Variants in CTNNA1 observed in about 807,000 individuals in gnomAD.
The protein encoded by CTNNA1 is catenin alpha 1.
CTNNA1 carries 37 observed loss-of-function variants against 98.4 expected under a neutral mutation model. The observed-to-expected ratio is 0.38, with a 90% confidence interval of 0.29 to 0.49. The LOEUF (loss-of-function observed/expected upper bound fraction) is 0.49, where lower values mean the gene tolerates loss of function less well. Among genes scored for constraint, CTNNA1 ranks in the 20% least tolerant of loss-of-function variants. The pLI is 0.95. For synonymous variants in CTNNA1, 404 were observed against 413.2 expected, an observed-to-expected ratio of 0.98 and a Z score of 0.27; for missense variants, 761 against 1,147.2, an observed-to-expected ratio of 0.66 and a Z score of 4.86.
intron 5 of CTNNA1, among the ~76,000 whole-genome samples, chr5:138,823,944 G>A (rs1464483986): frequency 5.1e-5 from 5 of 97,426 alleles, no homozygotes; most frequent in Middle Eastern, 0.013. Flanking sequence ...GCGACAGAGC[G>A]AGACTCCGTC....
chr5:138,830,899 G>A (rs1357911857), intron 7 of CTNNA1, among the ~76,000 whole-genome samples: 1 of 152,112 alleles, frequency 6.6e-6, no homozygotes, highest in Non-Finnish European at 1.5e-5. Context: ...AATCCAGGAG[G>A]CTTTCTCTTC....
rs1026342317 is a variant in CTNNA1 at position 138,813,332 on chromosome 5, A to G, written c.588+1030A>G. 5.3e-5 allele frequency among the ~76,000 whole-genome samples: 8 copies of G among 152,310 alleles called. 1 individual carries two copies. In the East Asian group the frequency reaches 1.5e-3, roughly 29 times the overall value. On this transcript the variant is annotated intron_variant, in intron 5 of 17. Coordinates refer to ENST00000302763, the MANE Select transcript of CTNNA1 (RefSeq NM_001903.5). ...CATATGTCTCTCTTTATAAGCAAAC[A>G]ATCTAGAAGCTCCTAGTAGACTTGT... is the stretch of plus-strand genomic sequence containing the variant.
At chr5:138,916,629 G>A (rs1761841511) in intron 10 of CTNNA1, among the ~76,000 whole-genome samples, 1 of 151,788 alleles carries the variant, frequency 6.6e-6, no homozygotes, top group Non-Finnish European at 1.5e-5. Flanking sequence ...CTCAAGCAGT[G>A]TTCCCACTTT....
At chr5:138,885,862 A>G (rs1753916268) in intron 7 of CTNNA1, among the ~76,000 whole-genome samples, 1 of 152,174 alleles carries the variant, frequency 6.6e-6, no homozygotes, top group Non-Finnish European at 1.5e-5. Context: ...GCTGCAGTTC[A>G]AGGAGAGCTG....
chr5:138,776,414 A>T (rs1580936513), intron 1 of CTNNA1, among the ~76,000 whole-genome samples: 1 of 152,260 alleles, frequency 6.6e-6, no homozygotes, highest in East Asian at 1.9e-4. Flanking sequence ...TTAGTACAGA[A>T]CAAAATGAAA....
chr5:138,933,494 C>G (rs1337384966), intron 17 of CTNNA1, among the ~76,000 whole-genome samples: 1 of 152,186 alleles, frequency 6.6e-6, no homozygotes, highest in African/African-American at 2.4e-5. Context: ...GCTTACAGCT[C>G]TGGGATCACT....
chr5:138,776,678 C>T (rs1419107493), intron 1 of CTNNA1, among the ~76,000 whole-genome samples: 2 of 146,632 alleles, frequency 1.4e-5, no homozygotes, highest in African/African-American at 2.6e-5. Flanking sequence ...GGGGGGCTGA[C>T]CCCCCCACCT....
chr5:138,820,256 G>C (rs1759897266), intron 5 of CTNNA1, among the ~76,000 whole-genome samples: 1 of 151,914 alleles, frequency 6.6e-6, no homozygotes. Context: ...ATAGTTTGGT[G>C]GTGACTTAGC....
At chr5:138,931,609 T>G (rs1765350718) in intron 16 of CTNNA1, 1 of 985,408 alleles carries the variant, frequency 1.0e-6, no homozygotes, top group East Asian at 1.1e-4. Flanking sequence ...TGGCCAAATG[T>G]ATCTTGACAC....
intron 7 of CTNNA1, among the ~76,000 whole-genome samples, chr5:138,828,600 A>G (rs921814044): frequency 6.6e-6 from 1 of 152,204 alleles, no homozygotes; most frequent in South Asian, 2.1e-4. Flanking sequence ...AACAACACAA[A>G]TTAGTTGTCA....
chr5:138,873,980 C>T lies in CTNNA1; in HGVS notation c.1063-12232C>T, dbSNP rs926901603. The T allele has an allele frequency of 4.3e-6, 7 of 1,613,872 alleles. No homozygotes were observed. The highest frequency in any genetic ancestry group is 4.0e-5 in the African/African-American group (3 of 74,920). ...TGCAAATCCATTGCGAGCCAAACTT[C>T]GCAAACGATTTGTGCTCAAATCCAG... On this transcript the variant is annotated intron_variant, in intron 7 of 17. Coordinates refer to ENST00000302763, the MANE Select transcript of CTNNA1 (RefSeq NM_001903.5). The surrounding 1 kb of genome is among the most constrained non-coding windows in gnomAD (Gnocchi z 6.1).
intron 10 of CTNNA1, among the ~76,000 whole-genome samples, chr5:138,907,032 C>CT (rs1014964336): frequency 5.3e-5 from 8 of 152,062 alleles, no homozygotes; most frequent in Admixed American, 3.3e-4. Flanking sequence ...CTTCTTTTTT[C>CT]TTTTTTTGAG....
intron 10 of CTNNA1, among the ~76,000 whole-genome samples, chr5:138,909,325 C>T (rs1371769546): frequency 6.6e-6 from 1 of 151,580 alleles, no homozygotes; most frequent in African/African-American, 2.4e-5. Flanking sequence ...TATGAAGCCT[C>T]TACTTATCTA....
At chr5:138,893,760 A>G (rs1194421875) in intron 9 of CTNNA1, among the ~76,000 whole-genome samples, 7 of 151,570 alleles carry the variant, frequency 4.6e-5, no homozygotes, top group Admixed American at 1.3e-4. Context: ...ATTAGCTGGG[A>G]TTACAGACAC....
intron 1 of CTNNA1, 113 bp downstream of exon 1, chr5:138,753,623 G>A: frequency 2.8e-6 from 1 of 355,198 alleles, no homozygotes; most frequent in Non-Finnish European, 5.1e-6. Context: ...GCGAGCGGGC[G>A]GGGCGCGGTT....
At chr5:138,810,237 C>T (rs1430785166) in intron 4 of CTNNA1, 33 bp downstream of exon 4, 2 of 1,596,734 alleles carry the variant, frequency 1.3e-6, no homozygotes, top group Admixed American at 1.7e-5. Context: ...GTAATTTGTT[C>T]TATCACAGGA....
chr5:138,815,270 G>A (rs1159111327), intron 5 of CTNNA1, among the ~76,000 whole-genome samples: 1 of 151,698 alleles, frequency 6.6e-6, no homozygotes, highest in African/African-American at 2.4e-5. Flanking sequence ...GAAATAAGAT[G>A]TCACAGAAAT....
intron 9 of CTNNA1, among the ~76,000 whole-genome samples, chr5:138,901,015 A>G (rs987941177): frequency 6.6e-6 from 1 of 152,144 alleles, no homozygotes; most frequent in Non-Finnish European, 1.5e-5. Context: ...TAGGAAAGAT[A>G]ATAATTTATT....
At chr5:138,855,754 T>C (rs1157332018) in intron 7 of CTNNA1, among the ~76,000 whole-genome samples, 1 of 152,194 alleles carries the variant, frequency 6.6e-6, no homozygotes, top group Admixed American at 6.5e-5. Context: ...GTACTTTCCA[T>C]TTGGGTTGGC....
Sources: gnomAD v4.1 joint callset for allele counts (sites outside exome capture counted in the v4.1 genomes callset) on GRCh38, gnomAD v4.1.1 for gene constraint, Gnocchi (gnomAD v3.1) non-coding constraint, MANE v1.5 for transcripts, NCBI Gene and HGNC (gene_info 2026-07-23, HGNC 2026-07-21) for gene names.